The following CLEC1A variants were observed in gnomAD, a reference collection of about 807,000 sequenced individuals.
The protein encoded by CLEC1A is C-type lectin domain family 1 member A, also known as C-type lectin-like receptor-1.
CLEC1A carries 34 observed loss-of-function variants against 28.7 expected under a neutral mutation model. The observed-to-expected ratio is 1.18, with a 90% CI of 0.90 to 1.57. The LOEUF is 1.57. Ranked by LOEUF, CLEC1A falls within the 40% of genes most tolerant of loss-of-function variation. The pLI is 0.00. For missense variants in CLEC1A, 385 were observed against 339.5 expected (o/e 1.13, Z -1.05); for synonymous variants, 116 against 121.0 (o/e 0.96, Z 0.27).
At position 10,081,278 on chromosome 12, in the gene CLEC1A, A is replaced by C; in HGVS notation, c.350T>G (p.Val117Gly). The C allele has an allele frequency of 3.7e-6, 6 of 1,611,512 alleles. No individual in the cohort carries two copies. The highest frequency in any genetic ancestry group is 5.1e-6 in the Non-Finnish European group (6 of 1,178,716). The change falls in exon 3 of 6, where the codon GTG becomes GGG. Residue 117 changes from valine to glycine, a missense_variant. By Grantham distance (109) the Val-to-Gly change is moderately radical. Coordinates refer to ENST00000315330, the MANE Select transcript of CLEC1A (RefSeq NM_016511.4). ...CAGCTCACGACAGAGTTTTTCAGCC[A>C]CATGCTGCAGACTTCCTGCAAGCTT... Reference protein sequence around the residue: ...NIKLAGSLQHVAEKLCRELYN... With the variant: ...NIKLAGSLQHGAEKLCRELYN...
chr12:10,076,996 C>T (rs933488690), intron 3 of CLEC1A, among the ~76,000 whole-genome samples: 12 of 152,064 alleles, frequency 7.9e-5, no homozygotes, highest in African/African-American at 2.7e-4. Context: ...TCTTAAATAC[C>T]TTCAGTCTTC....
intron 2 of CLEC1A, chr12:10,084,390 C>A (rs1253530943): frequency 2.6e-5 from 4 of 152,220 alleles, no homozygotes; most frequent in African/African-American, 9.7e-5. Flanking sequence ...TGTAGCTGCA[C>A]TCTCCTGCTA....
chr12:10,087,204 CAAAA>C (rs59407880), intron 2 of CLEC1A, among the ~76,000 whole-genome samples: 2 of 76,002 alleles, frequency 2.6e-5, no homozygotes, highest in Non-Finnish European at 4.6e-5. Context: ...GACTCCATCT[CAAAA>C]AAAAAAAAAA....
chr12:10,098,963 G>A lies in CLEC1A; in HGVS notation c.-41C>T. ...GGTGAGAGTGAAATGTGGTCGGATTGCCCTGGGCCGCCGGGCTACTGTGAG... is the reference window on the plus strand; with the variant it reads ...GGTGAGAGTGAAATGTGGTCGGATTACCCTGGGCCGCCGGGCTACTGTGAG... On this transcript the variant is annotated 5_prime_UTR_variant, in exon 1 of 6. Transcript: ENST00000315330. 3 of 1,447,556 alleles carry A rather than the reference G, an allele frequency of 2.1e-6. No homozygotes were observed. Among genetic ancestry groups the A allele is most frequent in the Non-Finnish European group, 2.9e-6 (3 of 1,043,506 alleles). 89.7% of individuals were successfully genotyped at this position (1,447,556 alleles called of 1,614,324 possible). A position where few individuals can be genotyped will look rare whatever the true frequency, so the allele number is the denominator to read the frequency against.
At chr12:10,074,257 A>G (rs2137329987) in intron 4 of CLEC1A, among the ~76,000 whole-genome samples, 1 of 152,308 alleles carries the variant, frequency 6.6e-6, no homozygotes, top group East Asian at 1.9e-4. Context: ...TTTCATTGTT[A>G]CATCCAAAAC....
chr12:10,077,605 A>G (rs747012219), intron 3 of CLEC1A, among the ~76,000 whole-genome samples: 3 of 152,150 alleles, frequency 2.0e-5, no homozygotes, highest in Non-Finnish European at 2.9e-5. Flanking sequence ...CCTATAAATT[A>G]CCATTTTTAT....
chr12:10,073,261 T>A, intron 5 of CLEC1A, 32 bp downstream of exon 5: 1 of 1,494,564 alleles, frequency 6.7e-7, no homozygotes, highest in South Asian at 1.1e-5. Flanking sequence ...CTTTGTTAAA[T>A]GCCTTTCCCA....
intron 2 of CLEC1A, 47 bp from the exon 3 acceptor site, chr12:10,081,460 T>TATTTCC (rs1345712530): frequency 6.8e-7 from 1 of 1,465,320 alleles, no homozygotes; most frequent in Non-Finnish European, 9.2e-7. Context: ...TTCTATGTTT[T>TATTTCC]ATTTCCATTT....
intron 3 of CLEC1A, among the ~76,000 whole-genome samples, chr12:10,078,187 A>G (rs1866294374): frequency 6.6e-6 from 1 of 152,094 alleles, no homozygotes; most frequent in South Asian, 2.1e-4. Flanking sequence ...GCCTTTAAAA[A>G]CTTATGCCAG....
At chr12:10,089,334 C>A in intron 1 of CLEC1A, 112 bp from the exon 2 acceptor site, 1 of 800,598 alleles carries the variant, frequency 1.2e-6, no homozygotes, top group South Asian at 1.6e-5. Flanking sequence ...TTAGGCTGGA[C>A]AACGGTAACA....
At chr12:10,084,019 CAA>C (rs1866426525) in intron 2 of CLEC1A, among the ~76,000 whole-genome samples, 6 of 151,238 alleles carry the variant, frequency 4.0e-5, no homozygotes, top group Non-Finnish European at 8.8e-5. Context: ...AAAAAATGAA[CAA>C]AGTCTCCAAG....
At chr12:10,075,155 G>C (rs1204882857) in intron 4 of CLEC1A, among the ~76,000 whole-genome samples, 1 of 152,218 alleles carries the variant, frequency 6.6e-6, no homozygotes, top group Non-Finnish European at 1.5e-5. Flanking sequence ...TTTTAGAATG[G>C]AAGAGCAGGC....
At chr12:10,074,134 A>G (rs1199071450) in intron 4 of CLEC1A, among the ~76,000 whole-genome samples, 2 of 152,198 alleles carry the variant, frequency 1.3e-5, no homozygotes, top group African/African-American at 4.8e-5. Context: ...AGCTCACTGC[A>G]GCCTCAACCT....
intron 2 of CLEC1A, among the ~76,000 whole-genome samples, chr12:10,087,518 A>G (rs866774680): frequency 3.1e-4 from 9 of 28,634 alleles, no homozygotes; most frequent in Admixed American, 6.8e-4. Flanking sequence ...ATATATATAT[A>G]TTTGTTTTTT....
At chr12:10,071,583 T>G (rs1866135977) in intron 5 of CLEC1A, 70 bp from the exon 6 acceptor site, 1 of 1,248,340 alleles carries the variant, frequency 8.0e-7, no homozygotes, top group Non-Finnish European at 1.1e-6. Flanking sequence ...ATACCCATTC[T>G]TTCTAGAGTT....
intron 1 of CLEC1A, among the ~76,000 whole-genome samples, chr12:10,093,373 G>GGAAA (rs528025570): frequency 7.7e-6 from 1 of 130,708 alleles, no homozygotes; most frequent in Non-Finnish European, 1.6e-5. Context: ...GATATATATA[G>GGAAA]AAAAAAAAAA....
chr12:10,081,482 G>A lies in CLEC1A; in HGVS notation c.215-69C>T, dbSNP rs1565602629. 8 of 1,315,330 alleles carry A rather than the reference G, an allele frequency of 6.1e-6. 1 individual carries two copies. In the Middle Eastern group the frequency reaches 5.7e-4, roughly 94 times the overall value. 81.5% of individuals were successfully genotyped at this position (1,315,330 alleles called of 1,614,324 possible). A position where few individuals can be genotyped will look rare whatever the true frequency, so the allele number is the denominator to read the frequency against. ...TTTTATTTCCATTTTCTGCTTATGGGGAAGACAAAACAGTATATTTTTTAG... is the reference window on the plus strand; with the variant it reads ...TTTTATTTCCATTTTCTGCTTATGGAGAAGACAAAACAGTATATTTTTTAG... On this transcript the variant is annotated intron_variant, in intron 2 of 5. Transcript: ENST00000315330.
At chr12:10,096,117 G>A (rs1335331289) in intron 1 of CLEC1A, among the ~76,000 whole-genome samples, 4 of 151,048 alleles carry the variant, frequency 2.6e-5, no homozygotes, top group African/African-American at 9.9e-5. Context: ...ATTCCCACAT[G>A]TCTATGTAGC....
chr12:10,070,053 C>G lies in CLEC1A; in HGVS notation c.*1280G>C, dbSNP rs1054411763. 5.9e-5 allele frequency: 9 copies of G among 151,876 alleles called. No homozygotes were observed. Among genetic ancestry groups the G allele is most frequent in the African/African-American group, 2.2e-4 (9 of 41,134 alleles). 9.4% of individuals were successfully genotyped at this position (151,876 alleles called of 1,614,324 possible). ...ATTGATTTATCAGTAAACCAATAAA[C>G]TTGGTGGCTGTGATGGTGTCATTCC... On this transcript the variant is annotated 3_prime_UTR_variant, in exon 6 of 6. Transcript: ENST00000315330.
Sources: gnomAD v4.1 joint callset for allele counts (sites outside exome capture counted in the v4.1 genomes callset) on GRCh38, gnomAD v4.1.1 for gene constraint, MANE v1.5 for transcripts, NCBI Gene and HGNC (gene_info 2026-07-23, HGNC 2026-07-21) for gene names.